Variants in THSD7A observed in about 807,000 individuals in gnomAD.
The protein encoded by THSD7A is thrombospondin type-1 domain-containing protein 7A.
Under a neutral mutation model 231.3 loss-of-function variants are expected in THSD7A, and 96 were observed. That is an observed-to-expected ratio of 0.41 (90% confidence interval 0.35 to 0.49). The LOEUF is 0.49. Among genes scored for constraint, THSD7A ranks in the 20% least tolerant of loss-of-function variants. The pLI is 0.05. For synonymous variants in THSD7A, 940 were observed against 743.3 expected (o/e 1.26, Z -4.30); for missense variants, 2,290 against 2,070.2 (o/e 1.11, Z -2.06).
At chr7:11,815,858 C>A (rs1041960128) in intron 1 of THSD7A, among the ~76,000 whole-genome samples, 1 of 151,980 alleles carries the variant, frequency 6.6e-6, no homozygotes, top group Non-Finnish European at 1.5e-5. Flanking sequence ...CAAACTCATA[C>A]CCACCCTTCT....
At chr7:11,728,398 G>A (rs1273158173) in intron 1 of THSD7A, among the ~76,000 whole-genome samples, 1 of 151,882 alleles carries the variant, frequency 6.6e-6, no homozygotes, top group African/African-American at 2.4e-5. Flanking sequence ...ATAATCTAGA[G>A]TGGCACAAGC....
At chr7:11,776,571 G>C (rs1050347384) in intron 1 of THSD7A, among the ~76,000 whole-genome samples, 1 of 152,050 alleles carries the variant, frequency 6.6e-6, no homozygotes, top group African/African-American at 2.4e-5. Flanking sequence ...CACTGTATAA[G>C]GTTTGTCTTT....
intron 1 of THSD7A, among the ~76,000 whole-genome samples, chr7:11,676,365 A>T (rs1303458893): frequency 2.0e-5 from 3 of 152,158 alleles, no homozygotes; most frequent in Admixed American, 1.3e-4. Context: ...TTCTCCTCCA[A>T]AGGATCACAA....
At chr7:11,584,994 G>A (rs1791336144) in intron 4 of THSD7A, among the ~76,000 whole-genome samples, 1 of 152,144 alleles carries the variant, frequency 6.6e-6, no homozygotes, top group Non-Finnish European at 1.5e-5. Context: ...TTTATAAAGG[G>A]AACAGTAAAT....
At chr7:11,751,553 G>C (rs894772734) in intron 1 of THSD7A, among the ~76,000 whole-genome samples, 1 of 151,876 alleles carries the variant, frequency 6.6e-6, no homozygotes, top group African/African-American at 2.4e-5. Flanking sequence ...GTGTACCAGA[G>C]TCCAGGTGGT....
In THSD7A at chr7:11,541,507, T is replaced by C. The variant is rs2074603; in HGVS notation, c.1734A>G (p.Ala578=). ...CEEPACYDWK[A]VRLGNCEPDN... The stretch of plus-strand genomic sequence containing the variant: ...CTGGCTCGCAGTTTCCCAGTCTCAC[T>C]GCTTTCCAGTCATAACAGGCAGGCT... Residue 578 remains alanine, a synonymous_variant, in exon 6 of 28, where the codon GCA becomes GCG. Transcript: ENST00000423059. 693,083 of 1,613,206 alleles carry C rather than the reference T, an allele frequency of 0.43. 150,358 individuals carry two copies. Among genetic ancestry groups the C allele is most frequent in the Middle Eastern group, 0.51 (3,061 of 6,060 alleles).
At chr7:11,671,146 G>C (rs970906454) in intron 1 of THSD7A, among the ~76,000 whole-genome samples, 1 of 152,176 alleles carries the variant, frequency 6.6e-6, no homozygotes, top group Non-Finnish European at 1.5e-5. Flanking sequence ...GTAAACAGTG[G>C]AAATGGAAAG....
chr7:11,527,390 T>A (rs10226388), intron 6 of THSD7A, among the ~76,000 whole-genome samples: 118,839 of 151,572 alleles, frequency 0.78, 47,084 homozygotes, highest in African/African-American at 0.89. Flanking sequence ...TTGGCCAAAA[T>A]ATATATATAT....
Position 11,481,262 on chromosome 7 carries a change from T to C in THSD7A, c.2017+526A>G, listed in dbSNP as rs138400083. Among the ~76,000 whole-genome samples the C allele has an allele frequency of 5.3e-5, 8 of 152,260 alleles. No homozygotes were observed. The East Asian group carries it at 1.4e-3, about 26-fold the overall frequency. ...ACATATTTTAAAAATGAACAAAATT[T>C]ACATATGAGATTTCTGGACCTCGGA... On this transcript the variant is annotated intron_variant, in intron 7 of 27. Transcript: ENST00000423059.
chr7:11,515,710 T>C (rs1416806456), intron 6 of THSD7A, among the ~76,000 whole-genome samples: 3 of 152,152 alleles, frequency 2.0e-5, no homozygotes, highest in Non-Finnish European at 4.4e-5. Context: ...CCATGTTTTA[T>C]AGTAAGTGGC....
At chr7:11,469,229 A>T (rs1425364506) in intron 9 of THSD7A, among the ~76,000 whole-genome samples, 1 of 152,162 alleles carries the variant, frequency 6.6e-6, no homozygotes. Flanking sequence ...TGCATAAGTC[A>T]CCTGGAGGAT....
intron 3 of THSD7A, among the ~76,000 whole-genome samples, chr7:11,593,023 A>T (rs1401087316): frequency 6.6e-6 from 1 of 152,148 alleles, no homozygotes; most frequent in Non-Finnish European, 1.5e-5. Flanking sequence ...AAATTTTGGC[A>T]ACTCCTATTA....
intron 1 of THSD7A, among the ~76,000 whole-genome samples, chr7:11,727,871 C>T (rs1280108871): frequency 1.3e-5 from 2 of 151,884 alleles, no homozygotes; most frequent in African/African-American, 2.4e-5. Flanking sequence ...GCTTAGTTAT[C>T]GGTATCTCAT....
chr7:11,828,763 TATAAGTA>T (rs1414165304), intron 1 of THSD7A, among the ~76,000 whole-genome samples: 1 of 152,152 alleles, frequency 6.6e-6, no homozygotes, highest in East Asian at 1.9e-4. Context: ...ACATATAATG[TATAAGTA>T]ATAAGTATTA....
At chr7:11,807,353 GAAGT>G (rs1449159896) in intron 1 of THSD7A, among the ~76,000 whole-genome samples, 1 of 152,122 alleles carries the variant, frequency 6.6e-6, no homozygotes, top group African/African-American at 2.4e-5. Context: ...ATAACACCCT[GAAGT>G]AAGTGTTTGA....
chr7:11,821,165 T>C, intron 1 of THSD7A: 1 of 1,134,382 alleles, frequency 8.8e-7, no homozygotes, highest in Non-Finnish European at 1.3e-6. Context: ...TTATGTAATG[T>C]CATTCCTGAG....
intron 1 of THSD7A, among the ~76,000 whole-genome samples, chr7:11,740,940 C>T (rs17165147): frequency 0.21 from 32,308 of 151,800 alleles, 4,821 homozygotes; most frequent in African/African-American, 0.42. Context: ...AATTACATAA[C>T]GCTGTTTATG....
chr7:11,498,878 C>T (rs1787218035), intron 6 of THSD7A, among the ~76,000 whole-genome samples: 2 of 152,058 alleles, frequency 1.3e-5, no homozygotes, highest in South Asian at 4.1e-4. Context: ...AAGCATACAG[C>T]AGCAGCCCTA....
At chr7:11,642,331 G>A (rs1278037721) in intron 1 of THSD7A, among the ~76,000 whole-genome samples, 1 of 151,986 alleles carries the variant, frequency 6.6e-6, no homozygotes, top group Non-Finnish European at 1.5e-5. Context: ...TTATTGTTTT[G>A]TTCATTATTA....
Sources: gnomAD v4.1 joint callset for allele counts (sites outside exome capture counted in the v4.1 genomes callset) on GRCh38, gnomAD v4.1.1 for gene constraint, MANE v1.5 for transcripts, NCBI Gene and HGNC (gene_info 2026-07-23, HGNC 2026-07-21) for gene names.